KLF7: variants seen among roughly 807,000 people sequenced by gnomAD.
The protein encoded by KLF7 is KLF transcription factor 7, also known as Krueppel-like factor 7.
Under a neutral mutation model 27.3 loss-of-function variants are expected in KLF7, and 2 were observed. That is an observed-to-expected ratio of 0.07 (90% CI 0.03 to 0.23). The LOEUF is 0.23. KLF7 is among the 10% of genes least tolerant of loss of function. KLF7 has a pLI of 1.00. For synonymous variants in KLF7, 165 were observed against 162.4 expected (o/e 1.02, Z -0.12); for missense variants, 221 against 394.1 (o/e 0.56, Z 3.72).
intron 3 of KLF7, among the ~76,000 whole-genome samples, chr2:207,081,773 C>T (rs967109458): frequency 1.3e-5 from 2 of 151,110 alleles, no homozygotes; most frequent in African/African-American, 2.4e-5. Flanking sequence ...CAGATTTCAA[C>T]CCTAAACTTT....
chr2:207,095,339 C>T (rs562606817), intron 2 of KLF7, among the ~76,000 whole-genome samples: 4 of 152,258 alleles, frequency 2.6e-5, no homozygotes, highest in South Asian at 2.1e-4. Flanking sequence ...TGAGCCACCA[C>T]GCCCGGCCTG....
At chr2:207,115,683 G>A (rs2077160536) in intron 2 of KLF7, among the ~76,000 whole-genome samples, 1 of 152,136 alleles carries the variant, frequency 6.6e-6, no homozygotes, top group African/African-American at 2.4e-5. Context: ...GGGGTAGATG[G>A]GATGGTGCTG....
In KLF7 at chr2:207,089,286, T is replaced by C. The variant is rs190655421; in HGVS notation, c.734-705A>G. On this transcript the variant is annotated intron_variant, in intron 2 of 3. Transcript: ENST00000309446. ...AGAGTGTTCTTATTAGAGAATAATA[T>C]ACATTATTGTAAAATATTTTCAAAA... Among the ~76,000 whole-genome samples the C allele has an allele frequency of 2.0e-5, 3 of 152,360 alleles. No homozygotes were observed. The East Asian group carries it at 5.8e-4, about 29-fold the overall frequency.
At chr2:207,115,188 A>T (rs1207508385) in intron 2 of KLF7, among the ~76,000 whole-genome samples, 1 of 152,036 alleles carries the variant, frequency 6.6e-6, no homozygotes, top group Non-Finnish European at 1.5e-5. Context: ...CAAAAAAAAA[A>T]AGGGGGGGTA....
intron 1 of KLF7, among the ~76,000 whole-genome samples, chr2:207,125,413 C>T (rs2077453041): frequency 6.6e-6 from 1 of 152,182 alleles, no homozygotes; most frequent in Admixed American, 6.5e-5. Context: ...GCACTATCAG[C>T]TCAATTTGCT....
At chr2:207,123,640 C>G (rs917127388) in intron 2 of KLF7, 134 bp downstream of exon 2, 23 of 923,272 alleles carry the variant, frequency 2.5e-5, no homozygotes, top group Non-Finnish European at 3.5e-5. Context: ...TTGTCCCTAC[C>G]TGGGGCCTCC....
At chr2:207,144,934 C>A (rs1446132207) in intron 1 of KLF7, among the ~76,000 whole-genome samples, 1 of 152,172 alleles carries the variant, frequency 6.6e-6, no homozygotes, top group African/African-American at 2.4e-5. Context: ...CATCACACTT[C>A]CCAGAAAGGT....
intron 1 of KLF7, among the ~76,000 whole-genome samples, chr2:207,150,885 T>C (rs929018389): frequency 1.3e-5 from 2 of 151,690 alleles, no homozygotes; most frequent in African/African-American, 2.4e-5. Context: ...CAAATGTTCA[T>C]TAATAGAAGA....
intron 2 of KLF7, among the ~76,000 whole-genome samples, chr2:207,113,673 G>A (rs932884257): frequency 1.8e-4 from 27 of 150,504 alleles, no homozygotes; most frequent in African/African-American, 4.9e-4. Context: ...TGTGTAGCAG[G>A]CCCAGGCTGG....
At chr2:207,140,122 C>T (rs2077899757) in intron 1 of KLF7, among the ~76,000 whole-genome samples, 2 of 152,134 alleles carry the variant, frequency 1.3e-5, no homozygotes, top group Non-Finnish European at 2.9e-5. Flanking sequence ...CTCTTGACCT[C>T]GTGGTCCGCC....
chr2:207,130,759 G>A (rs1313875734), intron 1 of KLF7, among the ~76,000 whole-genome samples: 1 of 152,076 alleles, frequency 6.6e-6, no homozygotes, highest in Non-Finnish European at 1.5e-5. Context: ...CAAAACCATT[G>A]GTGCAATATT....
upstream of KLF7, among the ~76,000 whole-genome samples, chr2:207,170,648 G>A (rs916087846): frequency 6.6e-6 from 1 of 152,126 alleles, no homozygotes; most frequent in Non-Finnish European, 1.5e-5. Flanking sequence ...CATTTTGAAA[G>A]TTGTAGGGCC....
intron 1 of KLF7, among the ~76,000 whole-genome samples, chr2:207,126,512 T>C (rs2077479935): frequency 1.3e-5 from 2 of 152,212 alleles, no homozygotes; most frequent in Admixed American, 1.3e-4. Flanking sequence ...CACTAATACA[T>C]ATCTCTGGGA....
intron 2 of KLF7, among the ~76,000 whole-genome samples, chr2:207,119,077 C>A (rs1173270420): frequency 6.6e-6 from 1 of 152,162 alleles, no homozygotes; most frequent in Non-Finnish European, 1.5e-5. Context: ...TTGTTCGGGA[C>A]AAAATCTAGA....
intron 1 of KLF7, among the ~76,000 whole-genome samples, chr2:207,143,494 C>G (rs965752387): frequency 6.6e-6 from 1 of 151,558 alleles, no homozygotes; most frequent in African/African-American, 2.4e-5. Flanking sequence ...ACTGAAGGTT[C>G]GGAGTCTGGG....
At chr2:207,164,028 A>C (rs904003730) in intron 1 of KLF7, among the ~76,000 whole-genome samples, 9 of 152,256 alleles carry the variant, frequency 5.9e-5, no homozygotes, top group African/African-American at 2.2e-4. Flanking sequence ...ACAAGAATGC[A>C]TGTGTGGACA....
chr2:207,109,509 TG>T (rs1484850396), intron 2 of KLF7, among the ~76,000 whole-genome samples: 1 of 152,118 alleles, frequency 6.6e-6, no homozygotes, highest in Non-Finnish European at 1.5e-5. Flanking sequence ...ATTTGTACAA[TG>T]GGTATAATGA....
chr2:207,126,757 C>T (rs913753177), intron 1 of KLF7, among the ~76,000 whole-genome samples: 8 of 150,898 alleles, frequency 5.3e-5, no homozygotes, highest in Admixed American at 1.3e-4. Flanking sequence ...GAGCTATGGT[C>T]GTACCACTGC....
chr2:207,088,278 G>C (rs2076436178), intron 3 of KLF7, among the ~76,000 whole-genome samples, 180 bp downstream of exon 3: 1 of 152,106 alleles, frequency 6.6e-6, no homozygotes, highest in South Asian at 2.1e-4. Flanking sequence ...ACCACCTCTT[G>C]ATTTCATGCA....
Sources: gnomAD v4.1 joint callset for allele counts (sites outside exome capture counted in the v4.1 genomes callset) on GRCh38, gnomAD v4.1.1 for gene constraint, MANE v1.5 for transcripts, NCBI Gene and HGNC (gene_info 2026-07-23, HGNC 2026-07-21) for gene names.